NELL2: variants seen among roughly 807,000 people sequenced by gnomAD.
NELL2 encodes protein kinase C-binding protein NELL2.
Under a neutral mutation model 109.6 loss-of-function variants are expected in NELL2, and 41 were observed. The observed-to-expected ratio is 0.37, with a 90% CI of 0.29 to 0.49. NELL2 has a LOEUF of 0.49. Ranked by LOEUF, NELL2 falls within the 20% of genes least tolerant of loss-of-function variation. The pLI is 0.98. For missense variants in NELL2, 900 were observed against 1,008.3 expected, an observed-to-expected ratio of 0.89 and a Z score of 1.45; for synonymous variants, 355 against 344.7, an observed-to-expected ratio of 1.03 and a Z score of -0.33.
At chr12:44,750,901 A>G (rs896381818) in intron 9 of NELL2, among the ~76,000 whole-genome samples, 1 of 152,170 alleles carries the variant, frequency 6.6e-6, no homozygotes, top group Non-Finnish European at 1.5e-5. Context: ...AGCAAGAGTC[A>G]TTATAAAAGA....
At chr12:44,707,302 A>G (rs1937939962) in intron 11 of NELL2, among the ~76,000 whole-genome samples, 1 of 152,304 alleles carries the variant, frequency 6.6e-6, no homozygotes, top group East Asian at 1.9e-4. Context: ...TATTCAGTGT[A>G]TGAGAATGCT....
intron 13 of NELL2, among the ~76,000 whole-genome samples, chr12:44,644,596 A>ATATGTATG (rs1555190837): frequency 2.1e-4 from 17 of 82,848 alleles, no homozygotes; most frequent in African/African-American, 7.4e-4. Flanking sequence ...ATATATATAT[A>ATATGTATG]TATATATGTA....
chr12:44,806,259 G>A (rs1321282751), intron 3 of NELL2, among the ~76,000 whole-genome samples: 1 of 151,764 alleles, frequency 6.6e-6, no homozygotes, highest in Non-Finnish European at 1.5e-5. Context: ...ATATATGCAT[G>A]GCCAATAAGC....
intron 2 of NELL2, among the ~76,000 whole-genome samples, chr12:44,843,141 T>C (rs1592639727): frequency 6.6e-6 from 1 of 151,738 alleles, no homozygotes; most frequent in Non-Finnish European, 1.5e-5. Flanking sequence ...GAAAATATTT[T>C]ATTTGGGGAA....
At chr12:44,904,372 A>C (rs529807711) in intron 1 of NELL2, among the ~76,000 whole-genome samples, 47 of 152,282 alleles carry the variant, frequency 3.1e-4, no homozygotes, top group African/African-American at 1.1e-3. Context: ...ACTAACTTAT[A>C]GCTAAAGGAA....
rs11182659 is a variant in NELL2, at chr12:44,767,758, G to A, written c.994+6989C>T. On this transcript the variant is annotated intron_variant, in intron 9 of 19. Transcript: ENST00000429094. ...ACAAAAAAACAAAGTTCAGGAAAATGCTTAATATCATTTACAATATATAAA... is the reference window on the plus strand; with the variant it reads ...ACAAAAAAACAAAGTTCAGGAAAATACTTAATATCATTTACAATATATAAA... Among the ~76,000 whole-genome samples the A allele has an allele frequency of 2.2e-3, 341 of 152,070 alleles. 9 individuals are homozygous for A. In the East Asian group the frequency reaches 0.049, roughly 22 times the overall value.
At chr12:44,687,412 G>C (rs143210122) in intron 12 of NELL2, among the ~76,000 whole-genome samples, 1 of 152,132 alleles carries the variant, frequency 6.6e-6, no homozygotes, top group African/African-American at 2.4e-5. Flanking sequence ...GTTCCTATTC[G>C]GCCATCTTGG....
intron 9 of NELL2, among the ~76,000 whole-genome samples, chr12:44,768,676 T>C (rs988430911): frequency 6.6e-6 from 1 of 152,216 alleles, no homozygotes. Context: ...CCTTATTCAC[T>C]ACAGACTTTC....
At chr12:44,578,880 A>G (rs1944214309) in intron 15 of NELL2, among the ~76,000 whole-genome samples, 1 of 152,212 alleles carries the variant, frequency 6.6e-6, no homozygotes, top group Admixed American at 6.5e-5. Context: ...AAGAAACAGA[A>G]AAAGCCTTCA....
At chr12:44,858,940 T>C (rs1944759293) in intron 2 of NELL2, among the ~76,000 whole-genome samples, 1 of 152,234 alleles carries the variant, frequency 6.6e-6, no homozygotes, top group African/African-American at 2.4e-5. Context: ...CAGATATTTT[T>C]GCAAACACAA....
intron 9 of NELL2, among the ~76,000 whole-genome samples, chr12:44,730,298 A>T (rs1235469713): frequency 6.6e-6 from 1 of 152,180 alleles, no homozygotes; most frequent in Non-Finnish European, 1.5e-5. Flanking sequence ...AATCTAACAG[A>T]CATATATAGA....
chr12:44,755,656 G>A, intron 9 of NELL2, among the ~76,000 whole-genome samples: 1 of 151,908 alleles, frequency 6.6e-6, no homozygotes, highest in Non-Finnish European at 1.5e-5. Flanking sequence ...ATTCTTCCAG[G>A]TGGCCTCAAC....
At chr12:44,734,051 T>G (rs888757146) in intron 9 of NELL2, among the ~76,000 whole-genome samples, 2 of 152,000 alleles carry the variant, frequency 1.3e-5, no homozygotes, top group African/African-American at 2.4e-5. Context: ...GTGCTCCGTT[T>G]GCCTAATAAT....
intron 6 of NELL2, 37 bp downstream of exon 6, chr12:44,777,205 T>C (rs1941789753): frequency 2.5e-6 from 4 of 1,607,776 alleles, no homozygotes; most frequent in Non-Finnish European, 3.4e-6. Flanking sequence ...ACAAGTAATA[T>C]ATGGGGACTC....
At chr12:44,730,873 C>T (rs1385013925) in intron 9 of NELL2, among the ~76,000 whole-genome samples, 1 of 151,820 alleles carries the variant, frequency 6.6e-6, no homozygotes, top group Non-Finnish European at 1.5e-5. Context: ...ATTGACAAAC[C>T]TTTGGGTAGA....
At chr12:44,831,212 G>T (rs961875305) in intron 2 of NELL2, among the ~76,000 whole-genome samples, 1 of 151,962 alleles carries the variant, frequency 6.6e-6, no homozygotes, top group Admixed American at 6.6e-5. Flanking sequence ...TTACCTTACT[G>T]GGAGCTCTAT....
chr12:44,734,391 A>G, intron 9 of NELL2, among the ~76,000 whole-genome samples: 1 of 151,934 alleles, frequency 6.6e-6, no homozygotes, highest in Middle Eastern at 3.4e-3. Context: ...TTTAGAGCTG[A>G]GTTTCATTAA....
rs186821327 is a variant in NELL2, at chr12:44,884,838, C to T, written c.39-8938G>A. Among the ~76,000 whole-genome samples, 93 of 152,136 alleles carry T rather than the reference C, an allele frequency of 6.1e-4. 3 individuals are homozygous for T. The highest frequency in any genetic ancestry group is 2.1e-3 in the African/African-American group (89 of 41,410). ...AAAACAATGATTTGACAAAATTCAA[C>T]ACCTAGTCACATTAAAATAAATAAT... On this transcript the variant is annotated intron_variant, in intron 1 of 20. Coordinates refer to the NELL2 transcript ENST00000333837.
chr12:44,838,816 T>G (rs1213372131), intron 2 of NELL2, among the ~76,000 whole-genome samples: 6 of 151,858 alleles, frequency 4.0e-5, no homozygotes, highest in Non-Finnish European at 7.4e-5. Flanking sequence ...TCATGGGAAG[T>G]GTAGAACACT....
Sources: gnomAD v4.1 joint callset for allele counts (sites outside exome capture counted in the v4.1 genomes callset) on GRCh38, gnomAD v4.1.1 for gene constraint, MANE v1.5 for transcripts, NCBI Gene and HGNC (gene_info 2026-07-23, HGNC 2026-07-21) for gene names.